TRHDE: variants seen among roughly 807,000 people sequenced by gnomAD.
TRHDE encodes thyrotropin releasing hormone degrading enzyme, also known as thyrotropin-releasing hormone-degrading ectoenzyme.
TRHDE carries 72 observed loss-of-function variants against 125.7 expected under a neutral mutation model. The observed-to-expected ratio is 0.57, with a 90% CI of 0.47 to 0.70. The LOEUF (loss-of-function observed/expected upper bound fraction) is 0.70. TRHDE is among the 30% of genes least tolerant of loss of function. TRHDE has a pLI of 0.00. For missense variants in TRHDE, 1,110 were observed against 1,327.1 expected (o/e 0.84, Z 2.54); for synonymous variants, 509 against 509.1 (o/e 1.00, Z 0.00).
At chr12:72,408,037 T>A (rs1403203651) in intron 3 of TRHDE, among the ~76,000 whole-genome samples, 1 of 152,222 alleles carries the variant, frequency 6.6e-6, no homozygotes, top group African/African-American at 2.4e-5. Context: ...GGAGCCAGCA[T>A]CTGTGAGGGC....
intron 2 of TRHDE, among the ~76,000 whole-genome samples, chr12:72,114,745 T>C (rs1004889326): frequency 1.3e-5 from 2 of 152,038 alleles, no homozygotes; most frequent in African/African-American, 2.4e-5. Flanking sequence ...TGGGGACCCA[T>C]AAATAGTACA....
intron 2 of TRHDE, among the ~76,000 whole-genome samples, chr12:72,336,356 TATC>T (rs1375033036): frequency 1.3e-5 from 2 of 152,144 alleles, no homozygotes; most frequent in Admixed American, 6.5e-5. Flanking sequence ...TGAATGAAAA[TATC>T]ATGAGAATTT....
At chr12:72,428,963 T>A (rs1874306239) in intron 3 of TRHDE, among the ~76,000 whole-genome samples, 1 of 152,062 alleles carries the variant, frequency 6.6e-6, no homozygotes, top group African/African-American at 2.4e-5. Flanking sequence ...TTCCATTGTA[T>A]AGATATACCA....
In TRHDE at chr12:72,286,762, T is replaced by C; in HGVS notation, c.996T>C (p.Thr332=). 1 of 1,614,020 alleles carries C rather than the reference T, an allele frequency of 6.2e-7. No individual in the cohort carries two copies. Among genetic ancestry groups the C allele is most frequent in the South Asian group, 1.1e-5 (1 of 91,054 alleles). The stretch of plus-strand genomic sequence containing the variant: ...TTGATGAGCCAATCTACAAGGCTAC[T>C]TTCAAAATCAGCATCAAGCATCAAG... ...PCFDEPIYKA[T]FKISIKHQAT... The change falls in exon 2 of 19, where the codon ACT becomes ACC. Residue 332 remains threonine, a synonymous_variant. Transcript: ENST00000261180.
intron 2 of TRHDE, among the ~76,000 whole-genome samples, chr12:72,211,486 C>A (rs1877781129): frequency 6.6e-6 from 1 of 152,044 alleles, no homozygotes; most frequent in Non-Finnish European, 1.5e-5. Context: ...CAGAAAGATA[C>A]AATAATCATA....
intron 5 of TRHDE, among the ~76,000 whole-genome samples, chr12:72,474,055 C>T (rs1389893502): frequency 2.6e-5 from 4 of 151,770 alleles, no homozygotes. Flanking sequence ...CATATATATA[C>T]ATACATATAT....
At chr12:72,518,141 A>T (rs1391545201) in intron 6 of TRHDE, among the ~76,000 whole-genome samples, 4 of 150,936 alleles carry the variant, frequency 2.7e-5, no homozygotes, top group Non-Finnish European at 4.4e-5. Flanking sequence ...GGTGGAGAGT[A>T]CTGTAGATGT....
intron 2 of TRHDE, among the ~76,000 whole-genome samples, chr12:72,368,233 C>T (rs1270428086): frequency 1.3e-5 from 2 of 152,018 alleles, no homozygotes; most frequent in Admixed American, 1.3e-4. Context: ...ATTGCTAATT[C>T]CAGGTAGTTT....
At chr12:72,539,920 G>A (rs1019084674) in intron 6 of TRHDE, among the ~76,000 whole-genome samples, 1 of 151,688 alleles carries the variant, frequency 6.6e-6, no homozygotes, top group African/African-American at 2.4e-5. Context: ...CTGGAGTTTT[G>A]AATCACAAGG....
chr12:72,162,242 A>C (rs1395249754), intron 2 of TRHDE, among the ~76,000 whole-genome samples: 1 of 152,188 alleles, frequency 6.6e-6, no homozygotes, highest in African/African-American at 2.4e-5. Flanking sequence ...ACTCTTTAGA[A>C]ATATTATTGC....
chr12:72,136,558 T>C (rs1592454187), intron 2 of TRHDE, among the ~76,000 whole-genome samples: 1 of 152,220 alleles, frequency 6.6e-6, no homozygotes, highest in South Asian at 2.1e-4. Flanking sequence ...CTAATTAGGG[T>C]ACACATAATG....
chr12:72,419,424 G>C (rs1162767235), intron 3 of TRHDE, among the ~76,000 whole-genome samples: 1 of 152,118 alleles, frequency 6.6e-6, no homozygotes, highest in African/African-American at 2.4e-5. Context: ...GTACAAGTAT[G>C]GCACCAGCGT....
At chr12:72,195,717 C>T (rs1032678692) in intron 2 of TRHDE, among the ~76,000 whole-genome samples, 3 of 152,100 alleles carry the variant, frequency 2.0e-5, no homozygotes, top group African/African-American at 2.4e-5. Context: ...TGCAGAAGCT[C>T]TTTAGTTTAA....
chr12:72,303,259 C>T (rs1055539473), intron 2 of TRHDE: 1 of 152,064 alleles, frequency 6.6e-6, no homozygotes, highest in Non-Finnish European at 1.5e-5. Flanking sequence ...TAAACATTCC[C>T]TTTTAATATT....
In TRHDE at chr12:72,663,493, T is replaced by C. The variant is rs1322131344; in HGVS notation, c.*298T>C. On this transcript the variant is annotated 3_prime_UTR_variant, in exon 19 of 19. Coordinates refer to ENST00000261180, the MANE Select transcript of TRHDE (RefSeq NM_013381.3). ...TGTACAGGACCAAATATGATAGTGA[T>C]GCATGTTGATGTTACAGTCAATTTG... 1 of 203,688 alleles carries C rather than the reference T, an allele frequency of 4.9e-6. No homozygotes were observed. Among genetic ancestry groups the C allele is most frequent in the Non-Finnish European group, 9.8e-6 (1 of 101,864 alleles). The allele number at this position is 203,688 out of a possible 1,614,324, so 12.6% of individuals were successfully genotyped here. A position where few individuals can be genotyped will look rare whatever the true frequency, so the allele number is the denominator to read the frequency against.
At chr12:72,274,027 C>G (rs1592511909) in intron 1 of TRHDE, 3 of 161,318 alleles carry the variant, frequency 1.9e-5, no homozygotes, top group African/African-American at 7.2e-5. Context: ...CCACCCACAA[C>G]ATGCCCATCT....
intron 2 of TRHDE, among the ~76,000 whole-genome samples, chr12:72,349,242 T>G (rs1437247264): frequency 6.6e-6 from 1 of 152,114 alleles, no homozygotes; most frequent in East Asian, 1.9e-4. Context: ...ATTCATTTGC[T>G]CATACAAATA....
intron 3 of TRHDE, among the ~76,000 whole-genome samples, chr12:72,453,128 G>A (rs951454575): frequency 5.9e-5 from 9 of 152,180 alleles, no homozygotes; most frequent in African/African-American, 2.2e-4. Context: ...GAAGATGAAG[G>A]AAAGTATGGA....
At chr12:72,176,074 C>A (rs776487843) in intron 2 of TRHDE, among the ~76,000 whole-genome samples, 2 of 152,080 alleles carry the variant, frequency 1.3e-5, no homozygotes, top group Non-Finnish European at 2.9e-5. Flanking sequence ...ATTTCTGGTC[C>A]GGCCAGGTAT....
Sources: gnomAD v4.1 joint callset for allele counts (sites outside exome capture counted in the v4.1 genomes callset) on GRCh38, gnomAD v4.1.1 for gene constraint, MANE v1.5 for transcripts, NCBI Gene and HGNC (gene_info 2026-07-23, HGNC 2026-07-21) for gene names.